CRTAC1: variants seen among roughly 807,000 people sequenced by gnomAD.
CRTAC1 encodes cartilage acidic protein 1.
In CRTAC1, 37 loss-of-function variants were observed where a neutral mutation model predicts 67.8. That is an observed-to-expected ratio of 0.55 (90% CI 0.42 to 0.72). CRTAC1 has a LOEUF of 0.72. Ranked by LOEUF, CRTAC1 falls within the 30% of genes least tolerant of loss-of-function variation. The pLI is 0.00. For missense variants in CRTAC1, 780 were observed against 931.6 expected (o/e 0.84, Z 2.12); for synonymous variants, 348 against 371.0 (o/e 0.94, Z 0.71).
intron 2 of CRTAC1, among the ~76,000 whole-genome samples, chr10:97,978,417 T>C (rs1315163174): frequency 6.6e-6 from 1 of 152,120 alleles, no homozygotes; most frequent in Non-Finnish European, 1.5e-5. Context: ...CCTTTCCTCT[T>C]ACATCTTACA....
chr10:97,974,128 T>G (rs1182245074), intron 2 of CRTAC1, among the ~76,000 whole-genome samples: 1 of 152,202 alleles, frequency 6.6e-6, no homozygotes, highest in East Asian at 1.9e-4. Context: ...CTGTGTTGTG[T>G]GCAGGAGATA....
At chr10:97,943,128 T>C (rs2051203777) in intron 2 of CRTAC1, among the ~76,000 whole-genome samples, 1 of 149,904 alleles carries the variant, frequency 6.7e-6, no homozygotes, top group African/African-American at 2.5e-5. Context: ...ATAGTCAAGA[T>C]AGAGAGTCAG....
chr10:98,026,684 G>C (rs77355436), intron 1 of CRTAC1, among the ~76,000 whole-genome samples: 2,728 of 152,230 alleles, frequency 0.018, 89 homozygotes, highest in African/African-American at 0.063. Context: ...TGAGCATGAG[G>C]GAGAGGAGGG....
At chr10:98,000,194 T>C (rs976736245) in intron 2 of CRTAC1, among the ~76,000 whole-genome samples, 4 of 152,148 alleles carry the variant, frequency 2.6e-5, no homozygotes, top group Non-Finnish European at 5.9e-5. Flanking sequence ...AGAGCTGTAA[T>C]ACAAAGAAGG....
At chr10:98,023,835 G>C (rs1843170559) in intron 1 of CRTAC1, among the ~76,000 whole-genome samples, 1 of 152,216 alleles carries the variant, frequency 6.6e-6, no homozygotes, top group Non-Finnish European at 1.5e-5. Flanking sequence ...AGTCCTCTCA[G>C]GGGAGCCTCA....
chr10:97,968,720 A>G (rs1005216043), intron 2 of CRTAC1, among the ~76,000 whole-genome samples: 1 of 152,216 alleles, frequency 6.6e-6, no homozygotes, highest in Admixed American at 6.5e-5. Context: ...ACCCTACTGC[A>G]GGAGAAATGA....
rs185791243 is a variant in CRTAC1 at position 97,917,021 on chromosome 10, C to T, written c.715+479G>A. ...ATTCTTTGAGCTCAGTTATCCGAGA[C>T]GGGACCCAGCTGAAGCCTAGGGATT... On this transcript the variant is annotated intron_variant, in intron 5 of 14. Coordinates refer to ENST00000370597, the MANE Select transcript of CRTAC1 (RefSeq NM_018058.7). 2.5e-3 allele frequency among the ~76,000 whole-genome samples: 385 copies of T among 152,256 alleles called. 2 individuals are homozygous for T. Among genetic ancestry groups the T allele is most frequent in the African/African-American group, 8.4e-3 (347 of 41,548 alleles).
intron 14 of CRTAC1, 121 bp from the exon 15 acceptor site, chr10:97,865,835 T>G (rs1590165304): frequency 5.3e-5 from 39 of 735,376 alleles, no homozygotes; most frequent in East Asian, 6.9e-5. Flanking sequence ...GGAGGGAGGG[T>G]GACGGGCCTC....
intron 4 of CRTAC1, among the ~76,000 whole-genome samples, chr10:97,920,842 C>T (rs1370628292): frequency 6.6e-6 from 1 of 152,160 alleles, no homozygotes; most frequent in African/African-American, 2.4e-5. Context: ...GATAAAAATG[C>T]TATATAAACA....
At chr10:97,931,996 T>C (rs1031148281) in intron 3 of CRTAC1, among the ~76,000 whole-genome samples, 1 of 152,130 alleles carries the variant, frequency 6.6e-6, no homozygotes, top group East Asian at 1.9e-4. Flanking sequence ...GGCTTGTATT[T>C]TTCTAGGTTG....
intron 3 of CRTAC1, among the ~76,000 whole-genome samples, chr10:97,928,448 A>G (rs888129034): frequency 2.6e-5 from 4 of 152,238 alleles, no homozygotes; most frequent in Non-Finnish European, 5.9e-5. Context: ...TGCCACGTCT[A>G]TAGCACTTGC....
At chr10:97,931,775 C>T (rs920266037) in intron 3 of CRTAC1, among the ~76,000 whole-genome samples, 13 of 152,288 alleles carry the variant, frequency 8.5e-5, no homozygotes, top group Non-Finnish European at 1.3e-4. Context: ...CCAGCTCATG[C>T]GGGCGGGAGT....
chr10:97,919,105 G>A (rs2050801396), intron 4 of CRTAC1, among the ~76,000 whole-genome samples: 1 of 152,084 alleles, frequency 6.6e-6, no homozygotes, highest in Non-Finnish European at 1.5e-5. Flanking sequence ...ATCTTTGAAG[G>A]GATTATTTTC....
intron 2 of CRTAC1, among the ~76,000 whole-genome samples, chr10:98,006,710 C>G (rs1376009853): frequency 6.6e-6 from 1 of 152,174 alleles, no homozygotes; most frequent in Non-Finnish European, 1.5e-5. Flanking sequence ...ACATTCAAGA[C>G]AAGTTCAAGT....
intron 2 of CRTAC1, among the ~76,000 whole-genome samples, chr10:97,955,568 T>C (rs2051426786): frequency 6.6e-6 from 1 of 152,194 alleles, no homozygotes; most frequent in African/African-American, 2.4e-5. Flanking sequence ...TCTCTGAGTA[T>C]CTCATTCCCA....
At position 97,915,180 on chromosome 10, in the gene CRTAC1, G is replaced by A. The variant is rs144561580; in HGVS notation, c.715+2320C>T. 3.6e-3 allele frequency among the ~76,000 whole-genome samples: 545 copies of A among 152,344 alleles called. 3 individuals carry two copies. The highest frequency in any genetic ancestry group is 6.8e-3 in the Middle Eastern group (2 of 294). On this transcript the variant is annotated intron_variant, in intron 5 of 14. Transcript: ENST00000370597. ...GCCTGGGGCTGTCATCCCAGTGGGT[G>A]TGGGCCTCCCCTCACAGCCCCTCCT...
intron 11 of CRTAC1, among the ~76,000 whole-genome samples, chr10:97,891,770 G>A (rs527449355): frequency 9.8e-5 from 15 of 152,290 alleles, no homozygotes; most frequent in South Asian, 2.1e-4. Flanking sequence ...CTCCCCCATC[G>A]GTCAGGAAGG....
At chr10:97,948,011 A>G (rs891679074) in intron 2 of CRTAC1, among the ~76,000 whole-genome samples, 1 of 151,914 alleles carries the variant, frequency 6.6e-6, no homozygotes, top group Non-Finnish European at 1.5e-5. Context: ...TTTGGAGATC[A>G]TTGTCTGGTA....
chr10:97,905,384 G>A (rs986096687), intron 6 of CRTAC1, among the ~76,000 whole-genome samples: 2 of 152,076 alleles, frequency 1.3e-5, no homozygotes, highest in Non-Finnish European at 2.9e-5. Flanking sequence ...TCTAGCTCTA[G>A]GTTACCCAGC....
Sources: allele counts gnomAD v4.1 joint callset (sites outside exome capture counted in the v4.1 genomes callset), GRCh38; gene constraint gnomAD v4.1.1; transcripts MANE v1.5; gene names NCBI Gene and HGNC (gene_info 2026-07-23, HGNC 2026-07-21).